Variants in ASIC2 observed in about 807,000 individuals in gnomAD.
ASIC2 encodes acid sensing ion channel subunit 2.
Under a neutral mutation model 57.3 loss-of-function variants are expected in ASIC2, and 25 were observed. That is an observed-to-expected ratio of 0.44 (90% CI 0.32 to 0.61). ASIC2 has a LOEUF of 0.61. ASIC2 is among the 20% of genes least tolerant of loss of function. ASIC2 has a pLI of 0.06. For synonymous variants in ASIC2, 319 were observed against 307.5 expected (o/e 1.04, Z -0.39); for missense variants, 641 against 738.1 (o/e 0.87, Z 1.52).
rs142058689 is a variant in ASIC2, at chr17:33,469,057, C to T, written c.556-356990G>A. ...GGCAGCCAAGAGTTGTTTGCAATACCTAAGTGGGTATGCAAAGTTGGCAGG... is the reference window on the plus strand; with the variant it reads ...GGCAGCCAAGAGTTGTTTGCAATACTTAAGTGGGTATGCAAAGTTGGCAGG... On this transcript the variant is annotated intron_variant, in intron 1 of 9. Coordinates refer to the ASIC2 transcript ENST00000359872. 1.7e-3 allele frequency among the ~76,000 whole-genome samples: 264 copies of T among 152,326 alleles called. 3 individuals carry two copies. Among genetic ancestry groups the T allele is most frequent in the African/African-American group, 6.0e-3 (248 of 41,582 alleles).
intron 1 of ASIC2, among the ~76,000 whole-genome samples, chr17:33,526,055 T>C (rs10512445): frequency 0.24 from 36,075 of 152,154 alleles, 4,941 homozygotes; most frequent in Non-Finnish European, 0.31. Flanking sequence ...CCTAGAATAA[T>C]ATGGTGACCA....
chr17:33,627,483 C>T (rs1906023756), intron 1 of ASIC2, among the ~76,000 whole-genome samples: 1 of 152,188 alleles, frequency 6.6e-6, no homozygotes, highest in Non-Finnish European at 1.5e-5. Context: ...GAACTAAATT[C>T]CAGCTCCCTC....
intron 1 of ASIC2, among the ~76,000 whole-genome samples, chr17:34,121,460 C>A (rs768440863): frequency 6.6e-6 from 1 of 152,182 alleles, no homozygotes; most frequent in Non-Finnish European, 1.5e-5. Context: ...TTTCCACCAT[C>A]ACACCCTTAG....
intron 1 of ASIC2, among the ~76,000 whole-genome samples, chr17:33,880,316 A>C (rs1387859233): frequency 6.6e-6 from 1 of 152,220 alleles, no homozygotes; most frequent in Admixed American, 6.5e-5. Context: ...TGAATCCAGG[A>C]GCTGGTTTTT....
At chr17:33,374,677 A>T (rs988766221) in intron 1 of ASIC2, among the ~76,000 whole-genome samples, 1 of 152,218 alleles carries the variant, frequency 6.6e-6, no homozygotes, top group African/African-American at 2.4e-5. Context: ...TTCTCTCAGC[A>T]TAGTAGTAGA....
chr17:33,405,900 G>T (rs921084164), intron 1 of ASIC2, among the ~76,000 whole-genome samples: 1 of 152,072 alleles, frequency 6.6e-6, no homozygotes, highest in African/African-American at 2.4e-5. Context: ...TCACCCAGGG[G>T]CCAGGTACCA....
At chr17:33,776,834 G>A (rs1057497795) in intron 1 of ASIC2, among the ~76,000 whole-genome samples, 3 of 152,140 alleles carry the variant, frequency 2.0e-5, no homozygotes, top group Admixed American at 6.5e-5. Context: ...TACTTTATTC[G>A]TTAGCACAGG....
intron 1 of ASIC2, among the ~76,000 whole-genome samples, chr17:33,674,480 A>C (rs1381234444): frequency 6.6e-6 from 1 of 152,226 alleles, no homozygotes; most frequent in Non-Finnish European, 1.5e-5. Flanking sequence ...AAATCAATGA[A>C]TAATGGCAAT....
intron 2 of ASIC2, among the ~76,000 whole-genome samples, chr17:33,111,410 G>T (rs764406802): frequency 2.0e-5 from 3 of 152,196 alleles, no homozygotes; most frequent in Non-Finnish European, 4.4e-5. Flanking sequence ...ATACACATGG[G>T]TCTCCCAGGG....
chr17:33,402,201 C>A (rs1461424104), intron 1 of ASIC2, among the ~76,000 whole-genome samples: 1 of 152,148 alleles, frequency 6.6e-6, no homozygotes, highest in Non-Finnish European at 1.5e-5. Flanking sequence ...CATGCACAGG[C>A]TCATATCTTA....
intron 1 of ASIC2, among the ~76,000 whole-genome samples, chr17:33,844,288 C>A (rs7222026): frequency 6.6e-6 from 1 of 151,828 alleles, no homozygotes; most frequent in African/African-American, 2.4e-5. Context: ...GTAGGATGAC[C>A]GTGGCATTTG....
intron 1 of ASIC2, among the ~76,000 whole-genome samples, chr17:34,054,262 C>T (rs1908678089): frequency 1.3e-5 from 2 of 152,226 alleles, no homozygotes; most frequent in African/African-American, 4.8e-5. Flanking sequence ...TCATTTTCCT[C>T]ACTCAAGACA....
chr17:33,634,396 T>C (rs1894821661), intron 1 of ASIC2, among the ~76,000 whole-genome samples: 1 of 152,220 alleles, frequency 6.6e-6, no homozygotes, highest in African/African-American at 2.4e-5. Flanking sequence ...ACCCTTCACC[T>C]AAGTTAGTAA....
rs1033562888 is a variant in ASIC2 at position 33,013,379 on chromosome 17, T to TG, written c.*585dup. The TG allele has an allele frequency of 2.6e-5, 4 of 154,784 alleles. No individual in the cohort carries two copies. The highest frequency in any genetic ancestry group is 6.2e-5 in the Admixed American group (1 of 16,130). 9.6% of individuals were successfully genotyped at this position (154,784 alleles called of 1,614,324 possible). A position where few individuals can be genotyped will look rare whatever the true frequency, so the allele number is the denominator to read the frequency against. The stretch of plus-strand genomic sequence containing the variant: ...GCTGCTGTGCCGCCGTCATAGGCAC[T>TG]GGGGGGGAGGGAGGTTGGCGCGGGT... On this transcript the variant is annotated 3_prime_UTR_variant, in exon 10 of 10. Coordinates refer to ENST00000225823, the MANE Select transcript of ASIC2 (RefSeq NM_183377.2).
intron 1 of ASIC2, among the ~76,000 whole-genome samples, chr17:33,610,099 C>T (rs1905353309): frequency 6.7e-6 from 1 of 149,232 alleles, no homozygotes; most frequent in Admixed American, 6.8e-5. Flanking sequence ...GATATATGCA[C>T]ACACAACTGG....
At chr17:33,687,538 G>T (rs1908234262) in intron 1 of ASIC2, among the ~76,000 whole-genome samples, 1 of 152,182 alleles carries the variant, frequency 6.6e-6, no homozygotes. Context: ...CTGGTATTGT[G>T]GAAGAGGAGA....
chr17:33,405,108 C>T (rs1910422480), intron 1 of ASIC2, among the ~76,000 whole-genome samples: 1 of 151,986 alleles, frequency 6.6e-6, no homozygotes, highest in Non-Finnish European at 1.5e-5. Context: ...ATGCTCTCTG[C>T]TCAGCTGCAT....
chr17:33,938,715 C>T (rs551492044), intron 1 of ASIC2, among the ~76,000 whole-genome samples: 1 of 152,290 alleles, frequency 6.6e-6, no homozygotes, highest in South Asian at 2.1e-4. Context: ...AGTGCCCAGC[C>T]TAGGAGCTGG....
chr17:33,943,318 T>A (rs1300501637), intron 1 of ASIC2, among the ~76,000 whole-genome samples: 1 of 152,238 alleles, frequency 6.6e-6, no homozygotes, highest in African/African-American at 2.4e-5. Context: ...TCTGCCCTCA[T>A]GTCCGCACTT....
Sources: gnomAD v4.1 joint callset for allele counts (sites outside exome capture counted in the v4.1 genomes callset) on GRCh38, gnomAD v4.1.1 for gene constraint, MANE v1.5 for transcripts, NCBI Gene and HGNC (gene_info 2026-07-23, HGNC 2026-07-21) for gene names.